The following DMRT1 variants were observed in gnomAD, a reference collection of about 807,000 sequenced individuals.
DMRT1 encodes the protein doublesex and mab-3 related transcription factor 1.
A neutral mutation model predicts 32.3 loss-of-function variants in DMRT1; 7 were observed. The observed-to-expected ratio is 0.22, with a 90% CI of 0.12 to 0.41. The LOEUF (loss-of-function observed/expected upper bound fraction) is 0.41. Among genes scored for constraint, DMRT1 ranks in the 10% least tolerant of loss-of-function variants. The pLI, the probability that DMRT1 is intolerant of heterozygous loss-of-function variation, is 1.00. For synonymous variants in DMRT1, 278 were observed against 206.1 expected (o/e 1.35, Z -2.99); for missense variants, 625 against 500.5 (o/e 1.25, Z -2.37).
intron 2 of DMRT1, among the ~76,000 whole-genome samples, chr9:868,562 C>A (rs1263302002): frequency 6.6e-6 from 1 of 152,208 alleles, no homozygotes; most frequent in Non-Finnish European, 1.5e-5. Flanking sequence ...GTGTGCTGGG[C>A]ACCTTTCTAA....
chr9:963,395 T>C (rs1015102955), intron 4 of DMRT1, among the ~76,000 whole-genome samples: 1 of 146,582 alleles, frequency 6.8e-6, no homozygotes, highest in Admixed American at 6.9e-5. Flanking sequence ...GAAAAACACA[T>C]TTAATTGTTT....
intron 1 of DMRT1, 49 bp from the exon 2 acceptor site, chr9:846,911 A>T: frequency 6.2e-7 from 1 of 1,612,116 alleles, no homozygotes. Context: ...TGTTTTGGCA[A>T]AGCTGATTCT....
At chr9:967,950 C>G (rs1331409933) in intron 4 of DMRT1, 35 bp from the exon 5 acceptor site, 4 of 1,605,096 alleles carry the variant, frequency 2.5e-6, no homozygotes, top group Non-Finnish European at 2.6e-6. Context: ...CTCCCTTTCT[C>G]CCTTTCTCTC....
At chr9:941,556 C>A (rs546183803) in intron 4 of DMRT1, among the ~76,000 whole-genome samples, 1 of 152,074 alleles carries the variant, frequency 6.6e-6, no homozygotes, top group African/African-American at 2.4e-5. Flanking sequence ...GGAGAGTTAT[C>A]GTTTTTTTGG....
intron 4 of DMRT1, among the ~76,000 whole-genome samples, chr9:950,219 T>G (rs1375843461): frequency 6.6e-6 from 1 of 152,104 alleles, no homozygotes; most frequent in Admixed American, 6.5e-5. Context: ...AGTTGATGCC[T>G]TAGACTTCAA....
At chr9:871,945 C>T (rs183956919) in intron 2 of DMRT1, among the ~76,000 whole-genome samples, 3 of 151,462 alleles carry the variant, frequency 2.0e-5, no homozygotes, top group Non-Finnish European at 4.4e-5. Context: ...TTCTTCATCT[C>T]TCTATATACC....
chr9:964,410 T>C (rs1194502000), intron 4 of DMRT1, among the ~76,000 whole-genome samples: 1 of 152,128 alleles, frequency 6.6e-6, no homozygotes, highest in Non-Finnish European at 1.5e-5. Context: ...AGAAAACAGA[T>C]ACTAGATTTG....
At chr9:922,728 G>A (rs536068169) in intron 4 of DMRT1, among the ~76,000 whole-genome samples, 173 of 152,348 alleles carry the variant, frequency 1.1e-3, no homozygotes, top group South Asian at 6.4e-3. Context: ...AGCCTGCCGT[G>A]CAACTTCAGC....
intron 4 of DMRT1, among the ~76,000 whole-genome samples, chr9:921,561 C>A (rs901743022): frequency 6.6e-6 from 1 of 152,078 alleles, no homozygotes; most frequent in Non-Finnish European, 1.5e-5. Context: ...TTTTGAGGAA[C>A]ATGTTACTGT....
chr9:866,469 C>T (rs62529821), intron 2 of DMRT1, among the ~76,000 whole-genome samples: 121,991 of 151,906 alleles, frequency 0.8, 49,444 homozygotes, highest in Admixed American at 0.88. Context: ...CTCATTTACC[C>T]CGTTGTGGGG....
At chr9:883,531 C>G (rs1165489825) in intron 2 of DMRT1, among the ~76,000 whole-genome samples, 1 of 151,894 alleles carries the variant, frequency 6.6e-6, no homozygotes, top group African/African-American at 2.4e-5. Context: ...GCGACTCACA[C>G]CTGTAATTCC....
intron 4 of DMRT1, among the ~76,000 whole-genome samples, chr9:920,277 C>T (rs758543114): frequency 1.3e-5 from 2 of 152,062 alleles, no homozygotes; most frequent in East Asian, 1.9e-4. Context: ...ACTGAGCCTG[C>T]GTGTCTCCAG....
intron 2 of DMRT1, among the ~76,000 whole-genome samples, chr9:848,296 G>A (rs1002493095): frequency 2.6e-5 from 4 of 152,144 alleles, no homozygotes; most frequent in Non-Finnish European, 4.4e-5. Context: ...AAAAATGAGG[G>A]AAAGGGTTCC....
chr9:860,149 T>C (rs946919539), intron 2 of DMRT1, among the ~76,000 whole-genome samples: 1 of 152,022 alleles, frequency 6.6e-6, no homozygotes, highest in Non-Finnish European at 1.5e-5. Flanking sequence ...ATACAAAAAT[T>C]AGCCGGGCGT....
chr9:951,294 A>T (rs1250909421), intron 4 of DMRT1, among the ~76,000 whole-genome samples: 1 of 148,870 alleles, frequency 6.7e-6, no homozygotes, highest in Non-Finnish European at 1.5e-5. Context: ...TTAAAGAAAA[A>T]TGATTTTGAG....
At chr9:944,392 C>T (rs1819175504) in intron 4 of DMRT1, among the ~76,000 whole-genome samples, 1 of 152,126 alleles carries the variant, frequency 6.6e-6, no homozygotes, top group Non-Finnish European at 1.5e-5. Context: ...CTCCAGCATC[C>T]TCACACAATA....
At chr9:923,605 G>A (rs562700129) in intron 4 of DMRT1, among the ~76,000 whole-genome samples, 3 of 152,188 alleles carry the variant, frequency 2.0e-5, no homozygotes, top group Non-Finnish European at 4.4e-5. Flanking sequence ...ATTTCACATA[G>A]CTCTTCTTGT....
chr9:888,771 G>T (rs577926554), intron 2 of DMRT1, among the ~76,000 whole-genome samples: 3 of 143,810 alleles, frequency 2.1e-5, no homozygotes, highest in East Asian at 1.9e-4. Context: ...TAGGAATAGC[G>T]TGTGGAGCAG....
rs930620061 is a variant in DMRT1 at position 911,496 on chromosome 9, T to G, written c.823-5267T>G. Reference sequence around the variant, plus strand: ...TTTTTTTTTTTTTTTTTTTTTTTTTTTTTTTTTTTTTTTTTAGATGGAGTC... The same window carrying G: ...TTTTTTTTTTTTTTTTTTTTTTTTTGTTTTTTTTTTTTTTTAGATGGAGTC... On this transcript the variant is annotated intron_variant, in intron 3 of 4. Transcript: ENST00000382276. 1.3e-4 allele frequency among the ~76,000 whole-genome samples: 12 copies of G among 90,386 alleles called. No individual in the cohort carries two copies. In the East Asian group the frequency reaches 1.7e-3, roughly 13 times the overall value. The allele number at this position is 90,386 out of a possible 152,430, so 59.3% of individuals were successfully genotyped here.
Sources: gnomAD v4.1 joint callset for allele counts (sites outside exome capture counted in the v4.1 genomes callset) on GRCh38, gnomAD v4.1.1 for gene constraint, MANE v1.5 for transcripts, NCBI Gene and HGNC (gene_info 2026-07-23, HGNC 2026-07-21) for gene names.